LAMA2: variants seen among roughly 807,000 people sequenced by gnomAD.
The protein encoded by LAMA2 is laminin subunit alpha 2, also known as laminin subunit alpha-2.
In LAMA2, 269 loss-of-function variants were observed where a neutral mutation model predicts 364.8. The observed-to-expected ratio is 0.74, with a 90% CI of 0.67 to 0.82. The LOEUF is 0.82. Ranked by LOEUF, LAMA2 falls within the 40% of genes least tolerant of loss-of-function variation. LAMA2 has a pLI of 0.00. For synonymous variants in LAMA2, 1,379 were observed against 1,370.6 expected, an observed-to-expected ratio of 1.01 and a Z score of -0.14; for missense variants, 3,807 against 3,873.2, an observed-to-expected ratio of 0.98 and a Z score of 0.45.
rs1033855665 is a variant in LAMA2 at position 129,099,131 on chromosome 6, T to TG, written c.639+716_639+717insG. Among the ~76,000 whole-genome samples the TG allele has an allele frequency of 7.6e-4, 112 of 147,220 alleles. 1 individual carries two copies. The East Asian group carries it at 0.012, about 16-fold the overall frequency. ...GCGGGGAGGTTTTTTTTTTGTTTTT[T>TG]TTTTTTTTGTTTTCTGGCTTAGTTG... On this transcript the variant is annotated intron_variant, in intron 4 of 64. Coordinates refer to ENST00000421865, the MANE Select transcript of LAMA2 (RefSeq NM_000426.4).
At chr6:129,202,215 GAA>G (rs1440244634) in intron 12 of LAMA2, among the ~76,000 whole-genome samples, 23 of 137,122 alleles carry the variant, frequency 1.7e-4, no homozygotes, top group Admixed American at 1.2e-3. Flanking sequence ...AAAAAGAAAA[GAA>G]AAGAAAACAC....
chr6:128,898,186 C>T (rs909148262), intron 1 of LAMA2, among the ~76,000 whole-genome samples: 1 of 152,162 alleles, frequency 6.6e-6, no homozygotes, highest in Non-Finnish European at 1.5e-5. Context: ...GATCTAGAAA[C>T]TGGGCTTGTT....
chr6:129,385,695 A>G (rs1407058847), intron 35 of LAMA2, among the ~76,000 whole-genome samples: 1 of 152,142 alleles, frequency 6.6e-6, no homozygotes, highest in East Asian at 1.9e-4. Flanking sequence ...TCATAAATAA[A>G]CTGTTTTATT....
intron 44 of LAMA2, among the ~76,000 whole-genome samples, chr6:129,445,117 A>T (rs1454687836): frequency 1.3e-5 from 2 of 152,220 alleles, no homozygotes; most frequent in East Asian, 3.8e-4. Flanking sequence ...ACCATGAAAG[A>T]TTTAATTAAA....
At chr6:129,445,918 T>C (rs965443440) in intron 45 of LAMA2, 97 bp downstream of exon 45, 13 of 1,241,018 alleles carry the variant, frequency 1.0e-5, no homozygotes, top group Admixed American at 1.8e-5. Flanking sequence ...TTGAATGATC[T>C]TGGGTCCTTT....
chr6:129,240,298 G>T (rs548077146), intron 12 of LAMA2, among the ~76,000 whole-genome samples: 142 of 152,140 alleles, frequency 9.3e-4, no homozygotes, highest in African/African-American at 3.1e-3. Context: ...ATCTCCTTTG[G>T]CAACACCCTC....
intron 1 of LAMA2, among the ~76,000 whole-genome samples, chr6:128,941,677 A>G (rs1326620090): frequency 2.0e-5 from 3 of 152,244 alleles, no homozygotes; most frequent in African/African-American, 7.2e-5. Flanking sequence ...GAACTAAAAA[A>G]TAAAAATAAT....
In LAMA2 at chr6:129,179,075, T is replaced by C. The variant is rs141835910; in HGVS notation, c.1467+1209T>C. On this transcript the variant is annotated intron_variant, in intron 10 of 64. Transcript: ENST00000421865. Reference sequence around the variant, plus strand: ...CATTTCATTCCAATATTATCTGAAATGAAAAATTGCTTGAGTTGACCAAGA... The same window carrying C: ...CATTTCATTCCAATATTATCTGAAACGAAAAATTGCTTGAGTTGACCAAGA... Among the ~76,000 whole-genome samples, 489 of 152,184 alleles carry C rather than the reference T, an allele frequency of 3.2e-3. 4 individuals carry two copies. The highest frequency in any genetic ancestry group is 0.011 in the African/African-American group (467 of 41,530).
At position 128,983,886 on chromosome 6, in the gene LAMA2, G is replaced by A. The variant is rs183192812; in HGVS notation, c.113-66032G>A. On this transcript the variant is annotated intron_variant, in intron 1 of 64. Transcript: ENST00000421865. ...ACATGGCTGCAGTTGCCATTTATTGGAGAAACTGAATTTCAGGGATTTGGA... is the reference window on the plus strand; with the variant it reads ...ACATGGCTGCAGTTGCCATTTATTGAAGAAACTGAATTTCAGGGATTTGGA... 2.3e-4 allele frequency among the ~76,000 whole-genome samples: 35 copies of A among 152,272 alleles called. 1 individual carries two copies. The highest frequency in any genetic ancestry group is 2.1e-3 in the Admixed American group (32 of 15,284).
chr6:128,997,952 C>G (rs528057499), intron 1 of LAMA2, among the ~76,000 whole-genome samples: 1 of 151,988 alleles, frequency 6.6e-6, no homozygotes, highest in Admixed American at 6.6e-5. Flanking sequence ...AATCATCAAG[C>G]CAGGAAGGAG....
intron 1 of LAMA2, among the ~76,000 whole-genome samples, chr6:129,044,746 A>G (rs967109863): frequency 6.6e-6 from 1 of 152,104 alleles, no homozygotes; most frequent in Non-Finnish European, 1.5e-5. Context: ...TGTCAATCAT[A>G]GTTGTATGGA....
Position 129,182,527 on chromosome 6 carries a change from A to G in LAMA2, c.1467+4661A>G, listed in dbSNP as rs78807375. Among the ~76,000 whole-genome samples the G allele has an allele frequency of 8.7e-3, 1,325 of 152,052 alleles. 17 individuals are homozygous for G. Among genetic ancestry groups the G allele is most frequent in the African/African-American group, 0.03 (1,255 of 41,558 alleles). Reference sequence around the variant, plus strand: ...AGTGTTTCCTTTAATCTGATAAAAGAAACAGTTAAAGTGGTTGAAATAGAT... The same window carrying G: ...AGTGTTTCCTTTAATCTGATAAAAGGAACAGTTAAAGTGGTTGAAATAGAT... On this transcript the variant is annotated intron_variant, in intron 10 of 64. Transcript: ENST00000421865.
intron 1 of LAMA2, among the ~76,000 whole-genome samples, chr6:128,915,277 A>G (rs904205013): frequency 6.6e-6 from 1 of 152,212 alleles, no homozygotes; most frequent in Non-Finnish European, 1.5e-5. Context: ...AATGGATAAA[A>G]AATTCTTTTT....
At position 129,270,653 on chromosome 6, in the gene LAMA2, T is replaced by C. The variant is rs886044330; in HGVS notation, c.2352T>C (p.Tyr784=). 1 of 1,613,018 alleles carries C rather than the reference T, an allele frequency of 6.2e-7. No homozygotes were observed. The highest frequency in any genetic ancestry group is 1.7e-5 in the Admixed American group (1 of 59,868). The change falls in exon 17 of 65, where the codon TAT becomes TAC. Residue 784 remains tyrosine, a synonymous_variant. Transcript: ENST00000421865. ...GTAAGGATCACACAGGTGGCCCATA[T>C]TGTGATAAATGTCTTCCTGGTTTCT... ...LNCKDHTGGP[Y]CDKCLPGFYG...
rs116602227 is a variant in LAMA2, at chr6:129,006,416, C to T, written c.113-43502C>T. ...TTTTACCCGATTCAAACATTCTTGC[C>T]TTGATCTTAGAGGCTGGAGAATAGG... On this transcript the variant is annotated intron_variant, in intron 1 of 64. Coordinates refer to ENST00000421865, the MANE Select transcript of LAMA2 (RefSeq NM_000426.4). Among the ~76,000 whole-genome samples the T allele has an allele frequency of 1.3e-3, 197 of 152,148 alleles. 1 individual carries two copies. Among genetic ancestry groups the T allele is most frequent in the African/African-American group, 4.2e-3 (174 of 41,518 alleles).
intron 34 of LAMA2, among the ~76,000 whole-genome samples, chr6:129,376,073 A>G (rs1375502079): frequency 6.6e-6 from 1 of 152,094 alleles, no homozygotes; most frequent in Non-Finnish European, 1.5e-5. Flanking sequence ...CTATCATGTC[A>G]TTCTCTTCCT....
At chr6:128,921,141 A>C (rs1019415567) in intron 1 of LAMA2, among the ~76,000 whole-genome samples, 5 of 152,230 alleles carry the variant, frequency 3.3e-5, no homozygotes, top group Non-Finnish European at 7.3e-5. Context: ...GATAGGAATT[A>C]CGTTTAAATT....
intron 1 of LAMA2, among the ~76,000 whole-genome samples, chr6:128,949,510 G>T (rs991318225): frequency 3.9e-5 from 6 of 152,028 alleles, no homozygotes; most frequent in African/African-American, 7.2e-5. Flanking sequence ...GAAAAAGAAA[G>T]ACAAGAAGGA....
rs147992878 is a variant in LAMA2, at chr6:129,334,619, C to T, written c.4311+6207C>T. ...ATTTTCTTACTGTCTCAGTCCATTT[C>T]GGATGTTGTAACAAAATATCATAAA... On this transcript the variant is annotated intron_variant, in intron 29 of 64. Coordinates refer to ENST00000421865, the MANE Select transcript of LAMA2 (RefSeq NM_000426.4). 1.9e-4 allele frequency among the ~76,000 whole-genome samples: 29 copies of T among 152,270 alleles called. No homozygotes were observed. The East Asian group carries it at 3.9e-3, about 20-fold the overall frequency.
Sources: allele counts gnomAD v4.1 joint callset (sites outside exome capture counted in the v4.1 genomes callset), GRCh38; gene constraint gnomAD v4.1.1; transcripts MANE v1.5; gene names NCBI Gene and HGNC (gene_info 2026-07-23, HGNC 2026-07-21).